Variants in EPHA3 observed in about 807,000 individuals in gnomAD.
The protein encoded by EPHA3 is ephrin type-A receptor 3.
In EPHA3, 42 loss-of-function variants were observed where a neutral mutation model predicts 107.1. The ratio of observed to expected loss-of-function variants is 0.39; its 90% CI spans 0.31 to 0.51. EPHA3 has a LOEUF of 0.51. Ranked by LOEUF, EPHA3 falls within the 20% of genes least tolerant of loss-of-function variation. EPHA3 has a pLI of 0.78. For synonymous variants in EPHA3, 461 were observed against 424.8 expected (o/e 1.09, Z -1.05); for missense variants, 1,183 against 1,211.2 (o/e 0.98, Z 0.35).
intron 2 of EPHA3, among the ~76,000 whole-genome samples, chr3:89,204,095 T>C (rs1284327911): frequency 6.6e-6 from 1 of 152,198 alleles, no homozygotes; most frequent in Non-Finnish European, 1.5e-5. Context: ...CATGATTCTG[T>C]TCCTAGCTCT....
chr3:89,146,358 C>CA (rs370535496), intron 2 of EPHA3, among the ~76,000 whole-genome samples: 10 of 150,838 alleles, frequency 6.6e-5, no homozygotes, highest in Non-Finnish European at 1.2e-4. Flanking sequence ...TCAGATAGGC[C>CA]AAAAAAAAGT....
chr3:89,429,165 C>A lies in EPHA3; in HGVS notation c.2134C>A (p.Arg712Ser), dbSNP rs777211567. 1 of 1,608,930 alleles carries A rather than the reference C, an allele frequency of 6.2e-7. No homozygotes were observed. The highest frequency in any genetic ancestry group is 1.3e-5 in the African/African-American group (1 of 74,734). The change falls in exon 12 of 17, where the codon CGT (arginine) becomes AGT (serine). Residue 712 changes from arginine (R) to serine (S), a missense_variant and splice_region_variant. By Grantham distance (110) the Arg-to-Ser change is moderately radical (BLOSUM62 -1). Coordinates refer to ENST00000336596, the MANE Select transcript of EPHA3 (RefSeq NM_005233.6). ...GAATGGTTCCTTGGATAGTTTCCTA[C>A]GTGTAAGTAAGATGCACACACATAC... ...MENGSLDSFL[R>S]KHDAQFTVIQ...
chr3:89,209,939 A>G lies in EPHA3; in HGVS notation c.233A>G (p.Gln78Arg). 3 of 1,613,906 alleles carry G rather than the reference A, an allele frequency of 1.9e-6. No individual in the cohort carries two copies. Among genetic ancestry groups the G allele is most frequent in the Non-Finnish European group, 2.5e-6 (3 of 1,179,912 alleles). ...GTGTGCAATGTCATGGACCACAGTC[A>G]AAACAATTGGCTGAGAACAAACTGG... Reference protein sequence around the residue: ...YQVCNVMDHSQNNWLRTNWVP... With the variant: ...YQVCNVMDHSRNNWLRTNWVP... The change falls in exon 3 of 17, where the codon CAA (glutamine) becomes CGA (arginine). Residue 78 changes from glutamine to arginine, a missense_variant. Coordinates refer to ENST00000336596, the MANE Select transcript of EPHA3 (RefSeq NM_005233.6).
At chr3:89,135,124 T>C (rs1198359838) in intron 2 of EPHA3, among the ~76,000 whole-genome samples, 1 of 152,192 alleles carries the variant, frequency 6.6e-6, no homozygotes, top group Non-Finnish European at 1.5e-5. Context: ...GATGAGAATG[T>C]TCTCAAATAT....
intron 3 of EPHA3, among the ~76,000 whole-genome samples, chr3:89,278,808 G>T (rs1281023157): frequency 1.3e-5 from 2 of 152,146 alleles, no homozygotes; most frequent in Non-Finnish European, 2.9e-5. Flanking sequence ...TTTCCCAAAA[G>T]AAATGTGCTA....
intron 3 of EPHA3, among the ~76,000 whole-genome samples, chr3:89,315,723 T>C (rs1706882001): frequency 6.6e-6 from 1 of 151,818 alleles, no homozygotes; most frequent in Non-Finnish European, 1.5e-5. Flanking sequence ...TGCAGTTAGT[T>C]TCATGGAGAA....
At chr3:89,473,927 C>G (rs1710456813) in intron 16 of EPHA3, among the ~76,000 whole-genome samples, 1 of 152,114 alleles carries the variant, frequency 6.6e-6, no homozygotes, top group Admixed American at 6.6e-5. Flanking sequence ...AACTGTTCAT[C>G]TTTGTGTCAG....
At chr3:89,456,384 G>A (rs567580902) in intron 15 of EPHA3, among the ~76,000 whole-genome samples, 4 of 152,042 alleles carry the variant, frequency 2.6e-5, no homozygotes, top group South Asian at 4.2e-4. Context: ...ACATCATTCT[G>A]ATAGAAATGA....
intron 3 of EPHA3, among the ~76,000 whole-genome samples, chr3:89,246,549 T>C (rs1705038591): frequency 6.6e-6 from 1 of 152,120 alleles, no homozygotes; most frequent in Non-Finnish European, 1.5e-5. Flanking sequence ...TCCCACTAGG[T>C]TGTGTCAAAG....
At chr3:89,477,881 G>T (rs1188354202) in intron 16 of EPHA3, among the ~76,000 whole-genome samples, 4 of 151,730 alleles carry the variant, frequency 2.6e-5, no homozygotes, top group Admixed American at 2.0e-4. Flanking sequence ...TGTGGAGTAA[G>T]ATAGGGAATA....
intron 3 of EPHA3, among the ~76,000 whole-genome samples, chr3:89,274,431 A>T (rs777780345): frequency 2.0e-5 from 3 of 151,974 alleles, no homozygotes; most frequent in Non-Finnish European, 4.4e-5. Flanking sequence ...AATAAGCAGT[A>T]TATTTAGGGA....
At chr3:89,109,811 G>A (rs1289118812) in intron 1 of EPHA3, among the ~76,000 whole-genome samples, 1 of 151,928 alleles carries the variant, frequency 6.6e-6, no homozygotes, top group African/African-American at 2.4e-5. Flanking sequence ...AATTTGCTTG[G>A]ATGAAAGTTT....
intron 10 of EPHA3, among the ~76,000 whole-genome samples, chr3:89,418,216 C>T (rs1709285340): frequency 6.6e-6 from 1 of 151,356 alleles, no homozygotes; most frequent in African/African-American, 2.4e-5. Context: ...AAGAAAAGCT[C>T]ATTTGACATT....
At chr3:89,420,089 TAA>T (rs1709327491) in intron 11 of EPHA3, among the ~76,000 whole-genome samples, 1 of 151,420 alleles carries the variant, frequency 6.6e-6, no homozygotes, top group Admixed American at 6.6e-5. Flanking sequence ...AATCCCTATA[TAA>T]GTCTCTTGAG....
At chr3:89,216,215 G>A (rs1418905016) in intron 3 of EPHA3, among the ~76,000 whole-genome samples, 1 of 151,830 alleles carries the variant, frequency 6.6e-6, no homozygotes, top group East Asian at 1.9e-4. Context: ...GAGCATCTGA[G>A]GCATCAGAAA....
chr3:89,405,624 A>G (rs1264814937), intron 7 of EPHA3, among the ~76,000 whole-genome samples: 2 of 152,168 alleles, frequency 1.3e-5, no homozygotes, highest in African/African-American at 4.8e-5. Flanking sequence ...CCCTAAAACC[A>G]CATATTTTAG....
intron 2 of EPHA3, among the ~76,000 whole-genome samples, chr3:89,162,591 T>G (rs890110787): frequency 6.6e-6 from 1 of 152,158 alleles, no homozygotes; most frequent in Non-Finnish European, 1.5e-5. Context: ...GAAGGCATTT[T>G]GTATGCTGAA....
At chr3:89,357,106 C>CAAAAAAAAAAAAAAAAAAAAA (rs56717904) in intron 5 of EPHA3, among the ~76,000 whole-genome samples, 2 of 15,998 alleles carry the variant, frequency 1.3e-4, no homozygotes, top group African/African-American at 2.1e-4. Flanking sequence ...GACCCTGTCT[C>CAAAAAAAAAAAAAAAAAAAAA]AAAAAAAAAA....
chr3:89,406,427 GA>G (rs1709056185), intron 7 of EPHA3, among the ~76,000 whole-genome samples: 1 of 152,124 alleles, frequency 6.6e-6, no homozygotes, highest in South Asian at 2.1e-4. Flanking sequence ...TAATAGGCCA[GA>G]TAATAAATAT....
Sources: gnomAD v4.1 joint callset for allele counts (sites outside exome capture counted in the v4.1 genomes callset) on GRCh38, gnomAD v4.1.1 for gene constraint, MANE v1.5 for transcripts, NCBI Gene and HGNC (gene_info 2026-07-23, HGNC 2026-07-21) for gene names.